The following REPS1 variants were observed in gnomAD, a reference collection of about 807,000 sequenced individuals.
REPS1 encodes the protein RALBP1 associated Eps domain containing 1, also known as ralBP1-associated Eps domain-containing protein 1.
A neutral mutation model predicts 100.9 loss-of-function variants in REPS1; 39 were observed. That is an observed-to-expected ratio of 0.39 (90% CI 0.30 to 0.50). REPS1 has a LOEUF of 0.50. Ranked by LOEUF, REPS1 falls within the 20% of genes least tolerant of loss-of-function variation. REPS1 has a pLI of 0.86. For missense variants in REPS1, 821 were observed against 968.5 expected (o/e 0.85, Z 2.02); for synonymous variants, 324 against 340.3 (o/e 0.95, Z 0.53).
chr6:138,926,371 TCAAA>T (rs1407197012), intron 10 of REPS1, 26 bp downstream of exon 10: 6 of 1,513,024 alleles, frequency 4.0e-6, no homozygotes, highest in Non-Finnish European at 5.5e-6. Flanking sequence ...AAAATTAATC[TCAAA>T]CAAGCAAGCT....
At chr6:138,931,178 A>G (rs1781463709) in intron 8 of REPS1, among the ~76,000 whole-genome samples, 2 of 152,218 alleles carry the variant, frequency 1.3e-5, no homozygotes, top group South Asian at 4.1e-4. Context: ...AGCTGCCATT[A>G]AATGTTAGCA....
In REPS1 at chr6:138,911,386, GT is replaced by G; in HGVS notation, c.1972-16del. 1.3e-6 allele frequency: 2 copies of G among 1,509,558 alleles called. No individual in the cohort carries two copies. The highest frequency in any genetic ancestry group is 1.8e-6 in the Non-Finnish European group (2 of 1,085,518). 93.5% of individuals were successfully genotyped at this position (1,509,558 alleles called of 1,614,324 possible). ...GCTTTTTCAGCCTAAAAATGAATATGTTTATCACTATTAATTCTACATAACA... is the reference window on the plus strand; with the variant it reads ...GCTTTTTCAGCCTAAAAATGAATATGTTATCACTATTAATTCTACATAACA... On this transcript the variant is annotated splice_polypyrimidine_tract_variant and intron_variant, in intron 16 of 19. Transcript: ENST00000450536.
chr6:138,935,562 G>GA (rs760370822), intron 8 of REPS1, among the ~76,000 whole-genome samples: 2 of 151,952 alleles, frequency 1.3e-5, no homozygotes, highest in African/African-American at 2.4e-5. Flanking sequence ...AAAGAACAAA[G>GA]AATGAAAGAA....
intron 2 of REPS1, among the ~76,000 whole-genome samples, chr6:138,946,254 T>C (rs763593822): frequency 3.3e-5 from 4 of 119,428 alleles, no homozygotes; most frequent in African/African-American, 1.2e-4. Flanking sequence ...TACCTTATTG[T>C]TCACCCCCCA....
intron 19 of REPS1, among the ~76,000 whole-genome samples, chr6:138,905,938 T>C (rs1176527668): frequency 6.6e-6 from 1 of 152,210 alleles, no homozygotes; most frequent in African/African-American, 2.4e-5. Context: ...TACTTTCCTA[T>C]TTTTCTCTTT....
At chr6:138,921,859 GC>G (rs1780787113) in intron 10 of REPS1, among the ~76,000 whole-genome samples, 1 of 152,034 alleles carries the variant, frequency 6.6e-6, no homozygotes, top group African/African-American at 2.4e-5. Flanking sequence ...ACAGGCGTGA[GC>G]CACTGCGCCC....
At chr6:138,920,130 T>C in intron 12 of REPS1, 85 bp downstream of exon 12, 1 of 757,120 alleles carries the variant, frequency 1.3e-6, no homozygotes, top group South Asian at 1.5e-5. Flanking sequence ...GTGAAGACGG[T>C]ATTAAATGCA....
At position 138,907,741 on chromosome 6, in the gene REPS1, C is replaced by T. The variant is rs141362180; in HGVS notation, c.2217-141G>A. The stretch of plus-strand genomic sequence containing the variant: ...TACTAGCACAGCTCAACCTCACTTG[C>T]TCAGTTGCAGTAGTATATAAGCTTC... On this transcript the variant is annotated intron_variant, in intron 18 of 19. Coordinates refer to ENST00000450536, the MANE Select transcript of REPS1 (RefSeq NM_001286611.2). 6.4e-4 allele frequency: 367 copies of T among 576,106 alleles called. 4 individuals carry two copies. In the East Asian group the frequency reaches 0.01, roughly 16 times the overall value. The allele number at this position is 576,106 out of a possible 1,614,324, so 35.7% of individuals were successfully genotyped here. A position where few individuals can be genotyped will look rare whatever the true frequency, so the allele number is the denominator to read the frequency against.
At position 138,988,097 on chromosome 6, in the gene REPS1, T is replaced by A. The variant is rs1056176955; in HGVS notation, c.-415A>T. 5.0e-6 allele frequency: 2 copies of A among 397,956 alleles called. No individual in the cohort carries two copies. Among genetic ancestry groups the A allele is most frequent in the Non-Finnish European group, 8.9e-6 (2 of 225,722 alleles). The allele number at this position is 397,956 out of a possible 1,614,324, so 24.7% of individuals were successfully genotyped here. The stretch of plus-strand genomic sequence containing the variant: ...CTTCCCGCCTCGGCTTCCCCTTCCG[T>A]CCACGCCTCCGGAGCGGCAGCGCTT... On this transcript the variant is annotated 5_prime_UTR_variant, in exon 1 of 20. Transcript: ENST00000450536.
At chr6:138,978,748 T>C (rs1784745399) in intron 1 of REPS1, among the ~76,000 whole-genome samples, 1 of 152,180 alleles carries the variant, frequency 6.6e-6, no homozygotes. Flanking sequence ...ACTACTACAC[T>C]GTTAATCCTG....
intron 10 of REPS1, among the ~76,000 whole-genome samples, chr6:138,923,800 C>A (rs1280327735): frequency 6.6e-6 from 1 of 152,152 alleles, no homozygotes; most frequent in Non-Finnish European, 1.5e-5. Context: ...CAGTTTGGAA[C>A]TTTGCACTGA....
chr6:138,907,151 T>A (rs1454366167), intron 19 of REPS1, among the ~76,000 whole-genome samples: 2 of 152,130 alleles, frequency 1.3e-5, no homozygotes, highest in African/African-American at 4.8e-5. Flanking sequence ...GTCCCTTTAA[T>A]GGAATCTGAG....
chr6:138,921,638 G>A (rs912758410), intron 10 of REPS1, among the ~76,000 whole-genome samples: 6 of 135,378 alleles, frequency 4.4e-5, no homozygotes, highest in East Asian at 2.2e-4. Flanking sequence ...GTACAGTGGC[G>A]TGATCTTGGC....
Position 138,985,064 on chromosome 6 carries a change from G to A in REPS1, c.153+2466C>T, listed in dbSNP as rs112428631. On this transcript the variant is annotated intron_variant, in intron 1 of 19. Transcript: ENST00000450536. ...GGTCTCCATTGCTTGCTGAAATATCGTTATCTGCTGCCCTTCTTCAGAGTC... is the reference window on the plus strand; with the variant it reads ...GGTCTCCATTGCTTGCTGAAATATCATTATCTGCTGCCCTTCTTCAGAGTC... 2.1e-3 allele frequency among the ~76,000 whole-genome samples: 327 copies of A among 152,174 alleles called. 1 individual carries two copies. The highest frequency in any genetic ancestry group is 7.2e-3 in the African/African-American group (298 of 41,514).
At chr6:138,911,188 G>T in intron 17 of REPS1, 88 bp downstream of exon 17, 1 of 861,452 alleles carries the variant, frequency 1.2e-6, no homozygotes, top group Non-Finnish European at 1.9e-6. Context: ...AAATGGGTTA[G>T]ATGATTTCTG....
intron 11 of REPS1, among the ~76,000 whole-genome samples, chr6:138,920,584 C>T (rs755641448): frequency 1.3e-5 from 2 of 152,164 alleles, no homozygotes; most frequent in Non-Finnish European, 2.9e-5. Flanking sequence ...CACTTAAACA[C>T]TACATATGTA....
intron 19 of REPS1, among the ~76,000 whole-genome samples, chr6:138,906,320 T>C (rs1270795294): frequency 6.6e-6 from 1 of 152,202 alleles, no homozygotes; most frequent in Non-Finnish European, 1.5e-5. Flanking sequence ...TAAGTTTATA[T>C]CATTCATTCA....
intron 8 of REPS1, among the ~76,000 whole-genome samples, chr6:138,940,450 T>C (rs1203058785): frequency 6.6e-6 from 1 of 152,154 alleles, no homozygotes; most frequent in Non-Finnish European, 1.5e-5. Flanking sequence ...CTTTTTCTTT[T>C]TAAAGAAAGG....
At chr6:138,920,444 C>A in intron 11 of REPS1, 128 bp from the exon 12 acceptor site, 1 of 466,586 alleles carries the variant, frequency 2.1e-6, no homozygotes, top group Non-Finnish European at 3.8e-6. Context: ...AAATGTAAGA[C>A]AAAATAATAT....
Sources: allele counts gnomAD v4.1 joint callset (sites outside exome capture counted in the v4.1 genomes callset), GRCh38; gene constraint gnomAD v4.1.1; transcripts MANE v1.5; gene names NCBI Gene and HGNC (gene_info 2026-07-23, HGNC 2026-07-21).